PCDHA5: variants seen among roughly 807,000 people sequenced by gnomAD.
PCDHA5 encodes protocadherin alpha 5.
A neutral mutation model predicts 61.6 loss-of-function variants in PCDHA5; 43 were observed. The ratio of observed to expected loss-of-function variants is 0.70; its 90% CI spans 0.55 to 0.90. The LOEUF is 0.90. Ranked by LOEUF, PCDHA5 falls within the 40% of genes least tolerant of loss-of-function variation. The pLI, the probability that PCDHA5 is intolerant of heterozygous loss-of-function variation, is 0.00. For synonymous variants in PCDHA5, 627 were observed against 543.9 expected (o/e 1.15, Z -2.13); for missense variants, 1,298 against 1,222.7 (o/e 1.06, Z -0.92).
At position 140,842,830 on chromosome 5, in the gene PCDHA5, G is replaced by T. The variant is rs1554139431; in HGVS notation, c.2352+18703G>T. ...TGGAGCGGCGGGTGGGCGAGCGCTC[G>T]CTGTCGAGCTACATTTCGGTGCACA... On this transcript the variant is annotated intron_variant, in intron 1 of 3. Coordinates refer to ENST00000529859, the MANE Select transcript of PCDHA5 (RefSeq NM_018908.3). 1.0e-5 allele frequency: 16 copies of T among 1,593,780 alleles called. 3 individuals are homozygous for T. The South Asian group carries it at 1.8e-4, about 18-fold the overall frequency.
At chr5:140,857,652 G>A in intron 1 of PCDHA5, 4 of 1,596,610 alleles carry the variant, frequency 2.5e-6, no homozygotes, top group Admixed American at 1.7e-5. Context: ...TTCCAGGTGA[G>A]CGCGCGCGAT....
chr5:140,836,399 C>G (rs2150259749), intron 1 of PCDHA5: 9 of 1,613,764 alleles, frequency 5.6e-6, no homozygotes, highest in Non-Finnish European at 7.6e-6. Context: ...TGGTGGAAAG[C>G]GGCCAGGCAC....
intron 1 of PCDHA5, chr5:140,968,393 C>T (rs747934843): frequency 1.8e-5 from 29 of 1,613,976 alleles, no homozygotes; most frequent in East Asian, 2.2e-5. Context: ...TGAGAAGTTT[C>T]GGGAGTTCTT....
At chr5:140,829,352 T>C (rs2150166449) in intron 1 of PCDHA5, 1 of 1,614,230 alleles carries the variant, frequency 6.2e-7, no homozygotes, top group Non-Finnish European at 8.5e-7. Flanking sequence ...CGTGTCGGCC[T>C]ATGAGTTGGT....
intron 1 of PCDHA5, among the ~76,000 whole-genome samples, chr5:140,915,642 C>CTCTG (rs1236956905): frequency 1.3e-5 from 2 of 152,012 alleles, no homozygotes; most frequent in African/African-American, 2.4e-5. Context: ...CTCTCTCTCT[C>CTCTG]TCTCTCTCTC....
intron 3 of PCDHA5, among the ~76,000 whole-genome samples, chr5:140,993,099 C>T (rs1253807421): frequency 6.6e-6 from 1 of 152,206 alleles, no homozygotes; most frequent in Non-Finnish European, 1.5e-5. Context: ...TATGTTTATT[C>T]AGCGGTCAGT....
At chr5:140,924,895 AAAAAAAAAAATAAAAT>A (rs200266637) in intron 1 of PCDHA5, among the ~76,000 whole-genome samples, 43,424 of 132,064 alleles carry the variant, frequency 0.33, 6,815 homozygotes, top group East Asian at 0.57. Flanking sequence ...AACCTGTCTC[AAAAAAAAAAATAAAAT>A]AAAATAAAAT....
chr5:140,827,089 C>T (rs1421752158), intron 1 of PCDHA5, among the ~76,000 whole-genome samples: 1 of 152,092 alleles, frequency 6.6e-6, no homozygotes, highest in Non-Finnish European at 1.5e-5. Context: ...AAACTATTTT[C>T]TAGGAGTCAG....
At chr5:140,831,524 T>A (rs1771606843) in intron 1 of PCDHA5, among the ~76,000 whole-genome samples, 4 of 26,740 alleles carry the variant, frequency 1.5e-4, no homozygotes, top group Admixed American at 1.4e-3. Context: ...CCCCACCTTT[T>A]TTTTTTTTTT....
chr5:140,821,779 G>T lies in PCDHA5; in HGVS notation c.4G>T (p.Val2Leu). 5.6e-6 allele frequency: 9 copies of T among 1,609,366 alleles called. No individual in the cohort carries two copies. The highest frequency in any genetic ancestry group is 7.6e-6 in the Non-Finnish European group (9 of 1,177,446). Residue 2 changes from valine to leucine, a missense_variant, in exon 1 of 4, where the codon GTA becomes TTA. Val to Leu is a conservative substitution (Grantham distance 32). Transcript: ENST00000529859. ...TCATAATTGGAACGAGATTGAGATG[G>T]TATATTCCCGGAGAGGAAGTCTGGG... MVYSRRGSLGSR... is the reference protein window; with the variant it reads MLYSRRGSLGSR...
At chr5:140,828,891 C>T (rs2150160213) in intron 1 of PCDHA5, 9 of 1,614,240 alleles carry the variant, frequency 5.6e-6, no homozygotes, top group Non-Finnish European at 7.6e-6. Context: ...CTGAATGCTT[C>T]TGATCGGGAT....
chr5:140,895,885 C>T (rs2065231883), intron 1 of PCDHA5, among the ~76,000 whole-genome samples: 1 of 152,174 alleles, frequency 6.6e-6, no homozygotes, highest in South Asian at 2.1e-4. Context: ...GATCTCGGCT[C>T]ACTGCAACCT....
chr5:140,848,600 C>A lies in PCDHA5; in HGVS notation c.2352+24473C>A, dbSNP rs2150414065. On this transcript the variant is annotated intron_variant, in intron 1 of 3. Transcript: ENST00000529859. The stretch of plus-strand genomic sequence containing the variant: ...GGAGCGGCCAGCTCCACTACTCCGT[C>A]CCGGAGGAAGCCGAACACGGCACCT... 2.5e-6 allele frequency: 4 copies of A among 1,593,634 alleles called. 1 individual carries two copies. The highest frequency in any genetic ancestry group is 3.4e-6 in the Non-Finnish European group (4 of 1,164,058).
chr5:140,964,596 G>A (rs1368654948), intron 1 of PCDHA5, among the ~76,000 whole-genome samples: 2 of 152,104 alleles, frequency 1.3e-5, no homozygotes, highest in African/African-American at 4.8e-5. Flanking sequence ...CACTTTTCAT[G>A]ACAACTTACA....
chr5:140,989,563 C>A (rs1399360475), intron 3 of PCDHA5, among the ~76,000 whole-genome samples: 1 of 152,118 alleles, frequency 6.6e-6, no homozygotes, highest in Non-Finnish European at 1.5e-5. Flanking sequence ...TTTTGTGGCT[C>A]CGGCAAGCCC....
At chr5:140,860,563 A>G (rs1332482786) in intron 1 of PCDHA5, 4 of 152,330 alleles carry the variant, frequency 2.6e-5, no homozygotes, top group Admixed American at 1.3e-4. Flanking sequence ...AGAGGTACTG[A>G]TCATACACAA....
intron 1 of PCDHA5, among the ~76,000 whole-genome samples, chr5:140,881,010 T>A (rs782629592): frequency 1.3e-5 from 2 of 152,198 alleles, no homozygotes; most frequent in Admixed American, 1.3e-4. Context: ...AGCAGAGCTA[T>A]GGAAATAAAC....
At chr5:140,929,391 A>G in intron 1 of PCDHA5, 1 of 1,511,404 alleles carries the variant, frequency 6.6e-7, no homozygotes, top group South Asian at 1.4e-5. Flanking sequence ...GTTTTGAAAT[A>G]TTTCTTAGAC....
intron 1 of PCDHA5, chr5:140,868,993 T>C (rs1441909187): frequency 1.3e-6 from 2 of 1,515,702 alleles, no homozygotes; most frequent in Non-Finnish European, 8.8e-7. Context: ...TGCCACCGTT[T>C]AAGGATCCTT....
Sources: allele counts gnomAD v4.1 joint callset (sites outside exome capture counted in the v4.1 genomes callset), GRCh38; gene constraint gnomAD v4.1.1; transcripts MANE v1.5; gene names NCBI Gene and HGNC (gene_info 2026-07-23, HGNC 2026-07-21).